Variants in MPP4 observed in about 807,000 individuals in gnomAD.
MPP4 encodes the protein MAGUK p55 scaffold protein 4, also known as MAGUK p55 subfamily member 4.
MPP4 carries 91 observed loss-of-function variants against 98.3 expected under a neutral mutation model. The ratio of observed to expected loss-of-function variants is 0.93; its 90% CI spans 0.78 to 1.10. MPP4 has a LOEUF of 1.10. MPP4 is among the 50% of genes least tolerant of loss of function. MPP4 has a pLI of 0.00. For missense variants in MPP4, 744 were observed against 792.9 expected, an observed-to-expected ratio of 0.94 and a Z score of 0.74; for synonymous variants, 261 against 271.8, an observed-to-expected ratio of 0.96 and a Z score of 0.39.
At position 201,680,914 on chromosome 2, in the gene MPP4, G is replaced by A; in HGVS notation, c.853C>T (p.Leu285Phe). ...GAGATTTTTCGGGCCTGCCACCAGAGGGCATCATTCTGGTCCACAATCTGG... is the reference window on the plus strand; with the variant it reads ...GAGATTTTTCGGGCCTGCCACCAGAAGGCATCATTCTGGTCCACAATCTGG... ...ILQIVDQNDA[L>F]WWQARKISDP... The change falls in exon 10 of 22, where the codon CTC (leucine) becomes TTC (phenylalanine). Residue 285 changes from leucine to phenylalanine, a missense_variant. Physicochemically the swap from Leu to Phe is conservative, Grantham distance 22. Transcript: ENST00000409474. The A allele has an allele frequency of 1.2e-6, 2 of 1,613,822 alleles. No homozygotes were observed. The highest frequency in any genetic ancestry group is 4.5e-5 in the East Asian group (2 of 44,856).
intron 2 of MPP4, 94 bp from the exon 3 acceptor site, chr2:201,693,123 A>T: frequency 7.1e-7 from 1 of 1,417,698 alleles, no homozygotes; most frequent in Middle Eastern, 2.5e-4. Context: ...GGGTCTCACC[A>T]GGAGTGGAAA....
chr2:201,650,040 G>A, intron 19 of MPP4, 32 bp downstream of exon 19: 3 of 1,509,590 alleles, frequency 2.0e-6, no homozygotes, highest in Non-Finnish European at 2.7e-6. Flanking sequence ...AACAACAAGA[G>A]GTAAGAATCA....
intron 5 of MPP4, 53 bp downstream of exon 5, chr2:201,687,238 A>G (rs747909825): frequency 2.8e-6 from 4 of 1,429,838 alleles, no homozygotes; most frequent in South Asian, 1.2e-5. Context: ...CTCCTTCCCA[A>G]CTTTGTCTAT....
At chr2:201,659,532 G>A (rs1442955798) in intron 15 of MPP4, among the ~76,000 whole-genome samples, 2 of 152,138 alleles carry the variant, frequency 1.3e-5, no homozygotes, top group Admixed American at 6.6e-5. Flanking sequence ...GCTCTGCTCT[G>A]ATCATTGAAA....
In MPP4 at chr2:201,656,291, C is replaced by G. The variant is rs371720645; in HGVS notation, c.1207G>C (p.Gly403Arg). ...GCACCCACTGCACTGTAGCAGCTGC[C>G]GGTGCAGCACACACTGGCATGCAGC... ...SPLHASVCCT[G>R]SCYSAVGAPY... The change falls in exon 17 of 22, where the codon GGC becomes CGC. Residue 403 changes from glycine (G) to arginine (R), a missense_variant. Gly to Arg is a moderately radical substitution (Grantham distance 125). Coordinates refer to ENST00000409474, the MANE Select transcript of MPP4 (RefSeq NM_033066.3). The G allele has an allele frequency of 3.8e-6, 6 of 1,581,564 alleles. No individual in the cohort carries two copies. The South Asian group carries it at 7.0e-5, about 18-fold the overall frequency.
chr2:201,655,354 C>T (rs912340351), intron 17 of MPP4, among the ~76,000 whole-genome samples: 12 of 152,182 alleles, frequency 7.9e-5, no homozygotes, highest in African/African-American at 2.2e-4. Flanking sequence ...GATCGATCAG[C>T]ACCCCCATGT....
chr2:201,663,462 G>A (rs563557021), intron 14 of MPP4, among the ~76,000 whole-genome samples: 1 of 152,306 alleles, frequency 6.6e-6, no homozygotes, highest in South Asian at 2.1e-4. Context: ...ACCAGGTGTG[G>A]TGGCTCACTT....
chr2:201,661,792 A>C (rs1291590116), intron 14 of MPP4, among the ~76,000 whole-genome samples: 1 of 152,154 alleles, frequency 6.6e-6, no homozygotes, highest in East Asian at 1.9e-4. Context: ...CAAACTGGCC[A>C]ATCTGGCTGG....
In MPP4 at chr2:201,649,599, A is replaced by G; in HGVS notation, c.1561T>C (p.Cys521Arg). The part of the protein sequence containing the change: ...VQTVLVEGKI[C>R]VMDLEPQDIQ... Reference sequence around the variant, plus strand: ...ACCTGAGGCTCTAGGTCCATGACACAGATCTTTCCTTCGACAAGGACTGTT... The same window carrying G: ...ACCTGAGGCTCTAGGTCCATGACACGGATCTTTCCTTCGACAAGGACTGTT... The change falls in exon 20 of 22, where the codon TGT becomes CGT. Residue 521 changes from cysteine (C) to arginine (R), a missense_variant. By Grantham distance (180) the Cys-to-Arg change is radical. Transcript: ENST00000409474. 1 of 1,606,838 alleles carries G rather than the reference A, an allele frequency of 6.2e-7. No individual in the cohort carries two copies. Among genetic ancestry groups the G allele is most frequent in the Non-Finnish European group, 8.5e-7 (1 of 1,176,512 alleles).
At position 201,696,634 on chromosome 2, in the gene MPP4, TAG is replaced by T. The variant is rs1689194902; in HGVS notation, c.-101+1951_-101+1952del. Among the ~76,000 whole-genome samples the T allele has an allele frequency of 2.6e-5, 4 of 152,312 alleles. No individual in the cohort carries two copies. In the South Asian group the frequency reaches 6.2e-4, roughly 24 times the overall value. On this transcript the variant is annotated intron_variant, in intron 1 of 21. Transcript: ENST00000409474. ...CCATTCAGCAGTTGGGGGCACACAC[TAG>T]AGACTACATATTTCTGAGATGAATT... is the stretch of plus-strand genomic sequence containing the variant.
At chr2:201,669,088 T>TTGTGTGTGTGTGTGTGTG (rs770178008) in intron 12 of MPP4, among the ~76,000 whole-genome samples, 1 of 141,566 alleles carries the variant, frequency 7.1e-6, no homozygotes, top group African/African-American at 2.7e-5. Context: ...GCATCTTGCT[T>TTGTGTGTGTGTGTGTGTG]TGTGTGTGTG....
chr2:201,647,898 C>A, intron 20 of MPP4, 73 bp from the exon 21 acceptor site: 3 of 1,438,916 alleles, frequency 2.1e-6, no homozygotes, highest in Non-Finnish European at 2.8e-6. Flanking sequence ...CTCTGTCACC[C>A]AGGCTGGAGT....
chr2:201,678,648 G>A (rs933268168), intron 10 of MPP4, among the ~76,000 whole-genome samples: 37 of 152,108 alleles, frequency 2.4e-4, no homozygotes, highest in African/African-American at 8.9e-4. Context: ...ACTGAACGTG[G>A]GTGTGTGAAG....
chr2:201,673,061 A>G (rs1688389452), intron 11 of MPP4, among the ~76,000 whole-genome samples: 1 of 152,220 alleles, frequency 6.6e-6, no homozygotes, highest in South Asian at 2.1e-4. Flanking sequence ...GGCTGGTTCA[A>G]CATATGCAAA....
chr2:201,681,034 C>G lies in MPP4; in HGVS notation c.733G>C (p.Val245Leu), dbSNP rs780257601. 1.9e-6 allele frequency: 3 copies of G among 1,607,478 alleles called. No homozygotes were observed. Among genetic ancestry groups the G allele is most frequent in the Non-Finnish European group, 1.7e-6 (2 of 1,174,626 alleles). The change falls in exon 10 of 22, where the codon GTG (valine) becomes CTG (leucine). Residue 245 changes from valine to leucine, a missense_variant and splice_region_variant. Physicochemically the swap from Val to Leu is conservative, Grantham distance 32 (BLOSUM62 1). Transcript: ENST00000409474. ...SDPPVNSQQM[V>L]YVRAMTEYWP... ...TACTCAGTCATGGCACGGACGTACA[C>G]CTGATGGCAGGTGCATAATGACGCT...
At position 201,651,541 on chromosome 2, in the gene MPP4, A is replaced by G. The variant is rs1383777904; in HGVS notation, c.1382-1376T>C. ...TATCCATTTTAAGCTTAAAACCTCA[A>G]TTTAAAAAGCAAAATATGAGCAGTA... On this transcript the variant is annotated intron_variant, in intron 18 of 21. Coordinates refer to ENST00000409474, the MANE Select transcript of MPP4 (RefSeq NM_033066.3). The G allele has an allele frequency of 1.6e-5, 16 of 985,438 alleles. 1 individual carries two copies. In the South Asian group the frequency reaches 7.0e-4, roughly 43 times the overall value. The allele number at this position is 985,438 out of a possible 1,614,324, so 61.0% of individuals were successfully genotyped here.
At chr2:201,667,607 T>G (rs1688218423) in intron 12 of MPP4, among the ~76,000 whole-genome samples, 1 of 152,256 alleles carries the variant, frequency 6.6e-6, no homozygotes, top group Non-Finnish European at 1.5e-5. Flanking sequence ...TCTGAATTTT[T>G]TCTTTCAGCA....
chr2:201,696,512 T>C lies in MPP4; in HGVS notation c.-101+2075A>G, dbSNP rs149614189. Among the ~76,000 whole-genome samples the C allele has an allele frequency of 2.5e-3, 387 of 152,302 alleles. 2 individuals carry two copies. The highest frequency in any genetic ancestry group is 7.9e-3 in the African/African-American group (329 of 41,566). On this transcript the variant is annotated intron_variant, in intron 1 of 21. Transcript: ENST00000409474. ...AAATCACACGTCCTTGGCAAAGCAG[T>C]GCAGATTAAACAAGCCAACTGTTGT...
intron 13 of MPP4, 21 bp downstream of exon 13, chr2:201,666,313 G>A: frequency 2.6e-6 from 4 of 1,542,480 alleles, no homozygotes; most frequent in Non-Finnish European, 3.5e-6. Context: ...TAACAGCAAA[G>A]CAATCAAGAG....
Sources: allele counts gnomAD v4.1 joint callset (sites outside exome capture counted in the v4.1 genomes callset), GRCh38; gene constraint gnomAD v4.1.1; transcripts MANE v1.5; gene names NCBI Gene and HGNC (gene_info 2026-07-23, HGNC 2026-07-21).